Variants in ARID5A observed in about 807,000 individuals in gnomAD.
The protein encoded by ARID5A is AT-rich interaction domain 5A.
In ARID5A, 14 loss-of-function variants were observed where a neutral mutation model predicts 30.5. That is an observed-to-expected ratio of 0.46 (90% confidence interval 0.30 to 0.72). The LOEUF (loss-of-function observed/expected upper bound fraction) is 0.72. Ranked by LOEUF, ARID5A falls within the 30% of genes least tolerant of loss-of-function variation. The pLI is 0.07. For synonymous variants in ARID5A, 338 were observed against 340.4 expected, an observed-to-expected ratio of 0.99 and a Z score of 0.08; for missense variants, 669 against 786.2, an observed-to-expected ratio of 0.85 and a Z score of 1.78.
chr2:96,549,594 G>A lies in ARID5A; in HGVS notation c.259+135G>A, dbSNP rs2065989965. On this transcript the variant is annotated intron_variant, in intron 3 of 6. Coordinates refer to ENST00000357485, the MANE Select transcript of ARID5A (RefSeq NM_212481.3). The surrounding 1 kb of genome is among the most constrained non-coding windows in gnomAD (Gnocchi z 6.1). ...GAGGCCTCCCTCCAGGCTGCCACTG[G>A]GCCAGGGGTGCACAGGGCACAGCCT... 2.0e-6 allele frequency: 3 copies of A among 1,487,358 alleles called. No homozygotes were observed. The highest frequency in any genetic ancestry group is 2.8e-6 in the Non-Finnish European group (3 of 1,077,946). 92.1% of individuals were successfully genotyped at this position (1,487,358 alleles called of 1,614,324 possible).
Position 96,540,419 on chromosome 2 carries a change from G to A in ARID5A, c.4+3589G>A, listed in dbSNP as rs117661138. Among the ~76,000 whole-genome samples the A allele has an allele frequency of 4.3e-4, 66 of 152,326 alleles. No homozygotes were observed. In the East Asian group the frequency reaches 9.6e-3, roughly 22 times the overall value. On this transcript the variant is annotated intron_variant, in intron 1 of 6. Transcript: ENST00000357485. ...TAGGAGCCCAGGCTCATCTTCTGGC[G>A]CAGCCACCTAGCCTGCCTCGGCCCT... is the stretch of plus-strand genomic sequence containing the variant.
In ARID5A at chr2:96,551,563, C is replaced by T. The variant is rs1163557642; in HGVS notation, c.1035C>T (p.Tyr345=). 4 of 1,600,476 alleles carry T rather than the reference C, an allele frequency of 2.5e-6. No individual in the cohort carries two copies. The highest frequency in any genetic ancestry group is 4.5e-5 in the East Asian group (2 of 44,814). The stretch of plus-strand genomic sequence containing the variant: ...CCCCCATCTTCAAGGGCTGCTTCTA[C>T]ACCCACCCCACCGAGGTGCTGAAGC... The part of the protein sequence containing the change: ...PAAPIFKGCF[Y]THPTEVLKPV... The change falls in exon 7 of 7, where the codon TAC becomes TAT. Residue 345 remains tyrosine, a synonymous_variant. Transcript: ENST00000357485.
chr2:96,545,992 T>C (rs2065921566), intron 1 of ARID5A, among the ~76,000 whole-genome samples: 1 of 150,950 alleles, frequency 6.6e-6, no homozygotes. Context: ...GCAAACTTCA[T>C]TGTTGTCTTA....
intron 1 of ARID5A, among the ~76,000 whole-genome samples, chr2:96,545,227 G>A (rs1320635803): frequency 7.2e-6 from 1 of 139,476 alleles, no homozygotes; most frequent in Non-Finnish European, 1.5e-5. Context: ...AGTAATCTCA[G>A]CTCACTGCAG....
intron 1 of ARID5A, among the ~76,000 whole-genome samples, chr2:96,543,273 C>T (rs1454863860): frequency 6.6e-6 from 1 of 152,182 alleles, no homozygotes. Flanking sequence ...CTTCAGATTC[C>T]CCCTCTTTAA....
chr2:96,539,883 C>A lies in ARID5A; in HGVS notation c.4+3053C>A. Among the ~76,000 whole-genome samples, 1 of 152,232 alleles carries A rather than the reference C, an allele frequency of 6.6e-6. No homozygotes were observed. Among genetic ancestry groups the A allele is most frequent in the South Asian group, 2.1e-4 (1 of 4,828 alleles). On this transcript the variant is annotated intron_variant, in intron 1 of 6. Coordinates refer to ENST00000357485, the MANE Select transcript of ARID5A (RefSeq NM_212481.3). This position sits in a 1 kb window ranked among gnomAD's most constrained non-coding sequence, Gnocchi z 4.7. ...TACTTGGGGAAAGGGGACAAGTTTG[C>A]ATCCTCTGAGCACAGATAAGGAACT...
chr2:96,536,822 G>A lies in ARID5A; in HGVS notation c.-5G>A. 1 of 1,212,968 alleles carries A rather than the reference G, an allele frequency of 8.2e-7. No homozygotes were observed. The highest frequency in any genetic ancestry group is 4.2e-5 in the South Asian group (1 of 23,870). The allele number at this position is 1,212,968 out of a possible 1,614,324, so 75.1% of individuals were successfully genotyped here. ...GGGGCGGGCGCCGCGGGACCTCTCC[G>A]GGCCATGGGTAAGCGGCTCTGCGGC... On this transcript the variant is annotated 5_prime_UTR_variant, in exon 1 of 7. Transcript: ENST00000357485.
chr2:96,546,210 T>G (rs2065925464), intron 1 of ARID5A, among the ~76,000 whole-genome samples: 1 of 152,156 alleles, frequency 6.6e-6, no homozygotes, highest in Non-Finnish European at 1.5e-5. Context: ...TCTTTTTCTG[T>G]CTGGGATGGA....
chr2:96,550,155 C>T lies in ARID5A; in HGVS notation c.313-33C>T, dbSNP rs1558619871. ...AAGGACCCCGCCGCCAGGGGGCGCC[C>T]GCCGGCCGCGCCCTCACGAGGTGCC... is the stretch of plus-strand genomic sequence containing the variant. On this transcript the variant is annotated intron_variant, in intron 4 of 6. Coordinates refer to ENST00000357485, the MANE Select transcript of ARID5A (RefSeq NM_212481.3). This position sits in a 1 kb window ranked among gnomAD's most constrained non-coding sequence, Gnocchi z 6.6. 1 of 1,531,530 alleles carries T rather than the reference C, an allele frequency of 6.5e-7. No homozygotes were observed. Among genetic ancestry groups the T allele is most frequent in the Non-Finnish European group, 8.8e-7 (1 of 1,141,824 alleles). 94.9% of individuals were successfully genotyped at this position (1,531,530 alleles called of 1,614,324 possible). A position where few individuals can be genotyped will look rare whatever the true frequency, so the allele number is the denominator to read the frequency against.
Position 96,551,344 on chromosome 2 carries a change from C to T in ARID5A, c.816C>T (p.Ala272=), listed in dbSNP as rs1448518106. 1.2e-6 allele frequency: 2 copies of T among 1,613,274 alleles called. No homozygotes were observed. The highest frequency in any genetic ancestry group is 1.7e-6 in the Non-Finnish European group (2 of 1,179,944). ...KLLAQVSKVE[A]LQCQEEGCRH... ...TGGCCCAGGTGAGCAAGGTGGAGGC[C>T]TTGCAGTGCCAGGAGGAGGGCTGCC... Residue 272 remains alanine, a synonymous_variant, in exon 7 of 7, where the codon GCC becomes GCT. Transcript: ENST00000357485.
In ARID5A at chr2:96,550,866, C is replaced by A; in HGVS notation, c.570+133C>A. The A allele has an allele frequency of 7.5e-7, 1 of 1,327,270 alleles. No homozygotes were observed. The highest frequency in any genetic ancestry group is 1.0e-6 in the Non-Finnish European group (1 of 994,446). 82.2% of individuals were successfully genotyped at this position (1,327,270 alleles called of 1,614,324 possible). A position where few individuals can be genotyped will look rare whatever the true frequency, so the allele number is the denominator to read the frequency against. On this transcript the variant is annotated intron_variant, in intron 6 of 6. Coordinates refer to ENST00000357485, the MANE Select transcript of ARID5A (RefSeq NM_212481.3). This position sits in a 1 kb window ranked among gnomAD's most constrained non-coding sequence, Gnocchi z 6.6. ...CACCCAGGGCGGGACTTGCAAGGTT[C>A]CAGGTTCTCCACAGATGGTTGTGCA...
chr2:96,550,471 C>T lies in ARID5A; in HGVS notation c.411-103C>T. The T allele has an allele frequency of 6.8e-7, 1 of 1,463,714 alleles. No homozygotes were observed. The allele number at this position is 1,463,714 out of a possible 1,614,324, so 90.7% of individuals were successfully genotyped here. A position where few individuals can be genotyped will look rare whatever the true frequency, so the allele number is the denominator to read the frequency against. ...CTGAAGCTTTGGGACCAGGAGAGGG[C>T]CTTCCTCGGCGCCGGCGGGGAAGGG... On this transcript the variant is annotated intron_variant, in intron 5 of 6. Transcript: ENST00000357485. This position sits in a 1 kb window ranked among gnomAD's most constrained non-coding sequence, Gnocchi z 6.6.
intron 1 of ARID5A, chr2:96,538,305 G>C: frequency 1.0e-6 from 1 of 985,496 alleles, no homozygotes; most frequent in Non-Finnish European, 1.2e-6. Flanking sequence ...GGGGCTTTTA[G>C]GACATCCCAG....
Position 96,551,864 on chromosome 2 carries a change from A to G in ARID5A, c.1336A>G (p.Ser446Gly). 1 of 1,587,086 alleles carries G rather than the reference A, an allele frequency of 6.3e-7. No homozygotes were observed. Among genetic ancestry groups the G allele is most frequent in the East Asian group, 2.2e-5 (1 of 44,478 alleles). ...TAGCCCAGGCCTGGGCAGCAAGCGC[A>G]GCCTGGAGGAAGAGGGTGCTGCCCA... is the stretch of plus-strand genomic sequence containing the variant. ...PSSPGLGSKR[S>G]LEEEGAAHSG... Residue 446 changes from serine (S) to glycine (G), a missense_variant, in exon 7 of 7, where the codon AGC (serine) becomes GGC (glycine). Physicochemically the swap from Ser to Gly is moderately conservative, Grantham distance 56 (BLOSUM62 0). This residue lies in a region of ARID5A where 548 missense variants were observed against 577.4 expected (regional missense o/e 0.95). Coordinates refer to ENST00000357485, the MANE Select transcript of ARID5A (RefSeq NM_212481.3).
In ARID5A at chr2:96,549,211, C is replaced by T. The variant is rs1278827039; in HGVS notation, c.121-110C>T. 3 of 1,521,328 alleles carry T rather than the reference C, an allele frequency of 2.0e-6. No homozygotes were observed. The highest frequency in any genetic ancestry group is 2.6e-6 in the Non-Finnish European group (3 of 1,135,698). 94.2% of individuals were successfully genotyped at this position (1,521,328 alleles called of 1,614,324 possible). A position where few individuals can be genotyped will look rare whatever the true frequency, so the allele number is the denominator to read the frequency against. On this transcript the variant is annotated intron_variant, in intron 2 of 6. Coordinates refer to ENST00000357485, the MANE Select transcript of ARID5A (RefSeq NM_212481.3). The surrounding 1 kb of genome is among the most constrained non-coding windows in gnomAD (Gnocchi z 6.1). ...CAGTGGCTAGGTGTTCTCTGGGAAACTGGGGTTGGGGTAGGTACCTTATTC... is the reference window on the plus strand; with the variant it reads ...CAGTGGCTAGGTGTTCTCTGGGAAATTGGGGTTGGGGTAGGTACCTTATTC...
In ARID5A at chr2:96,551,666, C is replaced by A; in HGVS notation, c.1138C>A (p.Leu380Met). 1 of 1,523,994 alleles carries A rather than the reference C, an allele frequency of 6.6e-7. No homozygotes were observed. The highest frequency in any genetic ancestry group is 8.8e-7 in the Non-Finnish European group (1 of 1,139,074). 94.4% of individuals were successfully genotyped at this position (1,523,994 alleles called of 1,614,324 possible). The change falls in exon 7 of 7, where the codon CTG (leucine) becomes ATG (methionine). Residue 380 changes from leucine (L) to methionine (M), a missense_variant. Physicochemically the swap from Leu to Met is conservative, Grantham distance 15. Coordinates refer to ENST00000357485, the MANE Select transcript of ARID5A (RefSeq NM_212481.3). Reference sequence around the variant, plus strand: ...ATTGGGGCCTCCTGGCAAAGAGGGGCTGTCAGTGAAAGAGCCCCAGCTGGT... The same window carrying A: ...ATTGGGGCCTCCTGGCAAAGAGGGGATGTCAGTGAAAGAGCCCCAGCTGGT... Reference protein sequence around the residue: ...VLLGPPGKEGLSVKEPQLVWG... With the variant: ...VLLGPPGKEGMSVKEPQLVWG...
In ARID5A at chr2:96,540,296, G is replaced by C. The variant is rs570728767; in HGVS notation, c.4+3466G>C. 5.9e-5 allele frequency among the ~76,000 whole-genome samples: 9 copies of C among 152,298 alleles called. No homozygotes were observed. In the East Asian group the frequency reaches 7.7e-4, roughly 13 times the overall value. On this transcript the variant is annotated intron_variant, in intron 1 of 6. Transcript: ENST00000357485. The stretch of plus-strand genomic sequence containing the variant: ...GACTCAGACAGGAGCTATGGAGTTG[G>C]AAAGAAATCAGACTCATAGCACAGG...
rs1209972159 is a variant in ARID5A at position 96,539,194 on chromosome 2, C to T, written c.4+2364C>T. ...AACATTGGGCACATTGAGTCTAGCA[C>T]GCCCATCTTGTAGATGGGGAAAGGG... On this transcript the variant is annotated intron_variant, in intron 1 of 6. Transcript: ENST00000357485. The surrounding 1 kb of genome is among the most constrained non-coding windows in gnomAD (Gnocchi z 4.7). Among the ~76,000 whole-genome samples, 5 of 152,284 alleles carry T rather than the reference C, an allele frequency of 3.3e-5. No homozygotes were observed. The highest frequency in any genetic ancestry group is 5.9e-5 in the Non-Finnish European group (4 of 68,012).
At position 96,551,296 on chromosome 2, in the gene ARID5A, A is replaced by G. The variant is rs2066036923; in HGVS notation, c.768A>G (p.Ser256=). The G allele has an allele frequency of 6.2e-7, 1 of 1,613,660 alleles. No homozygotes were observed. Among genetic ancestry groups the G allele is most frequent in the African/African-American group, 1.3e-5 (1 of 74,902 alleles). ...FYCKGTHGIM[S]PLAKKKLLAQ... is the part of the protein sequence containing the mutation. ...GCAAGGGGACACACGGCATCATGTC[A>G]CCACTGGCCAAAAAGAAGCTCCTGG... is the stretch of plus-strand genomic sequence containing the variant. The change falls in exon 7 of 7, where the codon TCA becomes TCG. Residue 256 remains serine (S), a synonymous_variant. Coordinates refer to ENST00000357485, the MANE Select transcript of ARID5A (RefSeq NM_212481.3).
Sources: allele counts gnomAD v4.1 joint callset (sites outside exome capture counted in the v4.1 genomes callset), GRCh38; gene constraint gnomAD v4.1.1; regional missense constraint gnomAD v4.1.1; non-coding constraint Gnocchi (gnomAD v3.1); transcripts MANE v1.5; gene names NCBI Gene and HGNC (gene_info 2026-07-23, HGNC 2026-07-21).